Variants in ALG13 observed in about 807,000 individuals in gnomAD.
ALG13 encodes UDP-N-acetylglucosamine transferase subunit ALG13.
Under a neutral mutation model 87.8 loss-of-function variants are expected in ALG13, and 11 were observed. The observed-to-expected ratio is 0.13, with a 90% CI of 0.08 to 0.21. The LOEUF (loss-of-function observed/expected upper bound fraction) is 0.21. ALG13 is among the 10% of genes least tolerant of loss of function. The probability of loss-of-function intolerance (pLI) is 1.00; values close to 1 mark genes in which losing one functional copy is unlikely to be tolerated. For missense variants in ALG13, 756 were observed against 866.1 expected (o/e 0.87, Z 1.60); for synonymous variants, 320 against 306.3 (o/e 1.04, Z -0.47).
chrX:111,698,595 A>G (rs1937295732), intron 3 of ALG13, among the ~76,000 whole-genome samples: 1 of 111,599 alleles, frequency 9.0e-6, no homozygotes, highest in Non-Finnish European at 1.9e-5. Context: ...TAGATTCCGC[A>G]TGTAAATCAT....
chrX:111,722,644 G>T, intron 12 of ALG13, 149 bp from the exon 13 acceptor site: 1 of 425,548 alleles, frequency 2.3e-6, no homozygotes, highest in Non-Finnish European at 4.1e-6. Context: ...CATCCAGAAT[G>T]ATAGAATCGC....
At chrX:111,681,653 C>A (rs1053977103) in intron 1 of ALG13, 5 of 903,643 alleles carry the variant, frequency 5.5e-6, no homozygotes, top group Non-Finnish European at 6.8e-6. Flanking sequence ...CCACCGGGCT[C>A]GGCAGTTTTT....
intron 21 of ALG13, among the ~76,000 whole-genome samples, chrX:111,731,490 G>C (rs941762866): frequency 1.4e-4 from 16 of 111,711 alleles, no homozygotes; most frequent in Admixed American, 3.8e-4. Context: ...TTCATTTTCT[G>C]GGGCTCTTGG....
intron 3 of ALG13, chrX:111,688,378 A>C: frequency 1.4e-6 from 1 of 725,120 alleles, no homozygotes; most frequent in Non-Finnish European, 1.6e-6. Flanking sequence ...TTTATGTAAA[A>C]AAATTTTACA....
intron 21 of ALG13, among the ~76,000 whole-genome samples, chrX:111,732,691 C>T (rs1942824447): frequency 8.9e-6 from 1 of 112,253 alleles, no homozygotes; most frequent in African/African-American, 3.2e-5. Context: ...TATGACTAAA[C>T]TGTGGCAGCT....
At chrX:111,715,785 T>C (rs1208007775) in intron 8 of ALG13, among the ~76,000 whole-genome samples, 1 of 112,484 alleles carries the variant, frequency 8.9e-6, no homozygotes, top group Non-Finnish European at 1.9e-5. Context: ...TCTAAAAATA[T>C]TTTAGAACAA....
Position 111,718,134 on chromosome X carries a change from T to C in ALG13, c.1110T>C (p.Tyr370=). The change falls in exon 10 of 27, where the codon TAT becomes TAC. Residue 370 remains tyrosine (Y), a synonymous_variant. Coordinates refer to ENST00000394780, the MANE Select transcript of ALG13 (RefSeq NM_001099922.3). Reference sequence around the variant, plus strand: ...CAGCTGTATTGTACGAAATTCTCTATAAAGATGTGTTTGTTGTGGATGAAG... The same window carrying C: ...CAGCTGTATTGTACGAAATTCTCTACAAAGATGTGTTTGTTGTGGATGAAG... ...VCQAVLYEIL[Y]KDVFVVDEEE... 2 of 1,166,562 alleles carry C rather than the reference T, an allele frequency of 1.7e-6. No individual in the cohort carries two copies. The highest frequency in any genetic ancestry group is 3.6e-5 in the African/African-American group (2 of 56,312).
chrX:111,689,095 T>TA, intron 3 of ALG13: 2 of 663,199 alleles, frequency 3.0e-6, no homozygotes, highest in Middle Eastern at 8.7e-4. Flanking sequence ...AGGCTAATAT[T>TA]AAAAAAATGC....
intron 7 of ALG13, 28 bp from the exon 8 acceptor site, chrX:111,713,197 C>T (rs192019250): frequency 9.3e-7 from 1 of 1,078,619 alleles, no homozygotes; most frequent in African/African-American, 1.8e-5. Flanking sequence ...ATTATGTCTT[C>T]CCACTTACCT....
chrX:111,731,991 C>T (rs1472979249), intron 21 of ALG13, among the ~76,000 whole-genome samples: 3 of 111,384 alleles, frequency 2.7e-5, no homozygotes, highest in Non-Finnish European at 5.7e-5. Flanking sequence ...ATTCTTGCTG[C>T]GAGGTCGAGT....
chrX:111,746,976 C>T (rs994556557), intron 24 of ALG13, among the ~76,000 whole-genome samples: 1 of 111,474 alleles, frequency 9.0e-6, no homozygotes, highest in African/African-American at 3.3e-5. Context: ...TTCCACCGGC[C>T]CCCACATGTC....
chrX:111,730,475 T>A (rs755733766), intron 20 of ALG13, 48 bp downstream of exon 20: 1 of 1,194,443 alleles, frequency 8.4e-7, no homozygotes, highest in African/African-American at 1.8e-5. Context: ...GTTTATAGAA[T>A]TTCAAGCTAT....
At position 111,717,969 on chromosome X, in the gene ALG13, A is replaced by G. The variant is rs755627180; in HGVS notation, c.1087+42A>G. On this transcript the variant is annotated intron_variant, in intron 9 of 26. Transcript: ENST00000394780. ...TAAATTGTGGGTGTGATTTCAGATG[A>G]CTTGTTTTCACTCAGGGACCCACCA... 2.7e-6 allele frequency: 3 copies of G among 1,124,413 alleles called. No individual in the cohort carries two copies. The Admixed American group carries it at 6.9e-5, about 26-fold the overall frequency. The allele number at this position is 1,124,413 out of a possible 1,213,427, so 92.7% of individuals were successfully genotyped here.
rs113017653 is a variant in ALG13, at chrX:111,690,333, G to A, written c.383+5230G>A. 5.1e-3 allele frequency: 3,823 copies of A among 750,116 alleles called. 95 individuals are homozygous for A. In the African/African-American group the frequency reaches 0.08, roughly 16 times the overall value. 61.8% of individuals were successfully genotyped at this position (750,116 alleles called of 1,213,427 possible). ...GGAAATGAAAGAGAGTTTAGCATTG[G>A]GAAATTTGCACCATGGATAGATTAA... is the stretch of plus-strand genomic sequence containing the variant. On this transcript the variant is annotated intron_variant, in intron 3 of 26. Coordinates refer to ENST00000394780, the MANE Select transcript of ALG13 (RefSeq NM_001099922.3).
chrX:111,720,459 A>T (rs948948803), intron 11 of ALG13, among the ~76,000 whole-genome samples: 1 of 112,167 alleles, frequency 8.9e-6, no homozygotes, highest in African/African-American at 3.2e-5. Flanking sequence ...TTTAGTTTGT[A>T]ATCAGTCTTC....
intron 8 of ALG13, chrX:111,714,210 A>C (rs906854865): frequency 4.5e-5 from 5 of 111,273 alleles, no homozygotes; most frequent in Non-Finnish European, 9.4e-5. Flanking sequence ...CTTTGGGGAC[A>C]CCAAAATGAA....
chrX:111,739,143 A>C (rs1439141052), intron 23 of ALG13, among the ~76,000 whole-genome samples: 1 of 112,164 alleles, frequency 8.9e-6, no homozygotes, highest in Non-Finnish European at 1.9e-5. Flanking sequence ...GCCTCAGGAA[A>C]CTTGCAATCA....
chrX:111,724,985 T>C lies in ALG13; in HGVS notation c.1653T>C (p.Val551=). The C allele has an allele frequency of 8.3e-7, 1 of 1,211,188 alleles. No homozygotes were observed. The highest frequency in any genetic ancestry group is 1.1e-6 in the Non-Finnish European group (1 of 894,908). ...NLKPVTQVMS[V]PAWNAMPSRK... ...AACCAGTTACCCAAGTGATGTCTGTTCCTGCCTGGAATGCTATGCCCAGTC... is the reference window on the plus strand; with the variant it reads ...AACCAGTTACCCAAGTGATGTCTGTCCCTGCCTGGAATGCTATGCCCAGTC... Residue 551 remains valine, a synonymous_variant, in exon 15 of 27, where the codon GTT becomes GTC. Transcript: ENST00000394780.
At chrX:111,701,926 T>A (rs1243431644) in intron 3 of ALG13, among the ~76,000 whole-genome samples, 3 of 111,952 alleles carry the variant, frequency 2.7e-5, no homozygotes, top group Non-Finnish European at 5.7e-5. Flanking sequence ...CTGTGACACA[T>A]TGACTTGTTC....
Sources: gnomAD v4.1 joint callset for allele counts (sites outside exome capture counted in the v4.1 genomes callset) on GRCh38, gnomAD v4.1.1 for gene constraint, MANE v1.5 for transcripts, NCBI Gene and HGNC (gene_info 2026-07-23, HGNC 2026-07-21) for gene names.